Variants in RPGRIP1 observed in about 807,000 individuals in gnomAD.
The protein encoded by RPGRIP1 is X-linked retinitis pigmentosa GTPase regulator-interacting protein 1.
RPGRIP1 carries 128 observed loss-of-function variants against 157.9 expected under a neutral mutation model. The ratio of observed to expected loss-of-function variants is 0.81; its 90% confidence interval spans 0.70 to 0.94. The LOEUF (loss-of-function observed/expected upper bound fraction) is 0.94, where lower values mean the gene tolerates loss of function less well. Ranked by LOEUF, RPGRIP1 falls within the 40% of genes least tolerant of loss-of-function variation. The probability of loss-of-function intolerance (pLI) is 0.00; values close to 1 mark genes in which losing one functional copy is unlikely to be tolerated. For missense variants in RPGRIP1, 1,486 were observed against 1,545.8 expected, an observed-to-expected ratio of 0.96 and a Z score of 0.65; for synonymous variants, 554 against 571.6, an observed-to-expected ratio of 0.97 and a Z score of 0.44.
rs752913201 is a variant in RPGRIP1, at chr14:21,321,279, A to G, written c.1488A>G (p.Gln496=). 1.4e-5 allele frequency: 22 copies of G among 1,613,424 alleles called. No homozygotes were observed. The African/African-American group carries it at 2.7e-4, about 20-fold the overall frequency. ...TACAGCCAAGTGAACCCAAAAACCA[A>G]GAAGAAAAGAAACTGTCCCAGGTGC... ...TQIEPSEPKN[Q]EEKKLSQVLN... Residue 496 remains glutamine (Q), a synonymous_variant, in exon 13 of 25, where the codon CAA becomes CAG. Transcript: ENST00000400017.
At chr14:21,298,177 G>T (rs1292642856) in intron 3 of RPGRIP1, among the ~76,000 whole-genome samples, 1 of 152,032 alleles carries the variant, frequency 6.6e-6, no homozygotes, top group African/African-American at 2.4e-5. Context: ...GAGTGAACTT[G>T]TTTCATGTTG....
intron 12 of RPGRIP1, 60 bp downstream of exon 12, chr14:21,320,237 T>G: frequency 1.1e-4 from 152 of 1,407,592 alleles, no homozygotes; most frequent in Middle Eastern, 1.8e-4. Flanking sequence ...CAAATATCTC[T>G]AGGGAAGATG....
At chr14:21,293,644 C>T (rs1266554303) in intron 2 of RPGRIP1, among the ~76,000 whole-genome samples, 3 of 151,922 alleles carry the variant, frequency 2.0e-5, no homozygotes, top group Non-Finnish European at 4.4e-5. Context: ...TTTGGGAGGC[C>T]GAAGCGGGTG....
Position 21,328,698 on chromosome 14 carries a change from T to TAGAAGC in RPGRIP1, c.3099+87_3099+92dup, listed in dbSNP as rs201626632. 4.5e-3 allele frequency: 4,996 copies of TAGAAGC among 1,119,924 alleles called. 29 individuals are homozygous for TAGAAGC. The highest frequency in any genetic ancestry group is 0.024 in the African/African-American group (1,559 of 64,764). The allele number at this position is 1,119,924 out of a possible 1,614,324, so 69.4% of individuals were successfully genotyped here. A position where few individuals can be genotyped will look rare whatever the true frequency, so the allele number is the denominator to read the frequency against. On this transcript the variant is annotated intron_variant, in intron 19 of 24. Coordinates refer to ENST00000400017, the MANE Select transcript of RPGRIP1 (RefSeq NM_020366.4). ...TCCCCAGATGTATTATTCTCAGAGG[T>TAGAAGC]AGAAGCAGAAGCAGAAGCAGACACA...
At chr14:21,321,430 G>C in intron 13 of RPGRIP1, 28 bp downstream of exon 13, 2 of 1,596,848 alleles carry the variant, frequency 1.3e-6, no homozygotes, top group Non-Finnish European at 1.7e-6. Context: ...ACAGGAAGGG[G>C]ATGGATAACA....
chr14:21,310,537 C>T, intron 7 of RPGRIP1, 47 bp from the exon 8 acceptor site: 2 of 997,146 alleles, frequency 2.0e-6, no homozygotes, highest in African/African-American at 1.7e-5. Flanking sequence ...ATAAATATAT[C>T]ATGAAATTGA....
At chr14:21,323,147 C>G (rs1882682220) in intron 14 of RPGRIP1, among the ~76,000 whole-genome samples, 1 of 152,134 alleles carries the variant, frequency 6.6e-6, no homozygotes. Flanking sequence ...CATGGCTGGG[C>G]ACGGTGGCTC....
chr14:21,294,830 ATTTTTTTTTTTTT>A (rs746359185), intron 3 of RPGRIP1, 21 bp downstream of exon 3: 1,167 of 776,888 alleles, frequency 1.5e-3, no homozygotes, highest in African/African-American at 5.2e-3. Context: ...TTCTCCTTAA[ATTTTTTTTTTTTT>A]TTTTTTTTTT....
At chr14:21,301,722 T>TAATAATA (rs1443437374) in intron 4 of RPGRIP1, among the ~76,000 whole-genome samples, 30 of 75,122 alleles carry the variant, frequency 4.0e-4, no homozygotes, top group African/African-American at 1.5e-3. Flanking sequence ...ATAATAATAA[T>TAATAATA]AAAAAATTAG....
At chr14:21,343,855 C>T (rs1483315503) in intron 22 of RPGRIP1, among the ~76,000 whole-genome samples, 4 of 101,058 alleles carry the variant, frequency 4.0e-5, no homozygotes, top group Non-Finnish European at 8.0e-5. Context: ...TTTTGTTCTT[C>T]CTCTTTTCCT....
intron 7 of RPGRIP1, among the ~76,000 whole-genome samples, 174 bp downstream of exon 7, chr14:21,308,010 A>G (rs1881389990): frequency 6.6e-6 from 1 of 152,350 alleles, no homozygotes; most frequent in African/African-American, 2.4e-5. Flanking sequence ...CTCGGAGTCT[A>G]TGCTTTTCCC....
intron 23 of RPGRIP1, 58 bp from the exon 24 acceptor site, chr14:21,348,114 T>G: frequency 7.5e-7 from 1 of 1,335,664 alleles, no homozygotes; most frequent in Non-Finnish European, 1.0e-6. Flanking sequence ...TATCCTTATT[T>G]TATTTTTGAA....
At chr14:21,298,226 C>CG (rs971796023) in intron 3 of RPGRIP1, among the ~76,000 whole-genome samples, 1 of 151,982 alleles carries the variant, frequency 6.6e-6, no homozygotes, top group African/African-American at 2.4e-5. Context: ...TGGCTGGGCA[C>CG]GGTGGCTCAT....
rs569767179 is a variant in RPGRIP1 at position 21,292,045 on chromosome 14, A to G, written c.86-2632A>G. On this transcript the variant is annotated intron_variant, in intron 2 of 24. Coordinates refer to ENST00000400017, the MANE Select transcript of RPGRIP1 (RefSeq NM_020366.4). ...AGTGCTGGGATGACAGGCATGAGCCACTGCACCCAGCCAATTTTTATATTT... is the reference window on the plus strand; with the variant it reads ...AGTGCTGGGATGACAGGCATGAGCCGCTGCACCCAGCCAATTTTTATATTT... Among the ~76,000 whole-genome samples, 3 of 152,234 alleles carry G rather than the reference A, an allele frequency of 2.0e-5. No homozygotes were observed. In the East Asian group the frequency reaches 5.8e-4, roughly 29 times the overall value.
intron 2 of RPGRIP1, among the ~76,000 whole-genome samples, chr14:21,292,925 T>C (rs1594373744): frequency 6.6e-6 from 1 of 150,994 alleles, no homozygotes; most frequent in South Asian, 2.1e-4. Flanking sequence ...GGCGGGTGGA[T>C]CACGAGGTCA....
chr14:21,334,952 A>G (rs1398188605), intron 21 of RPGRIP1, among the ~76,000 whole-genome samples: 2 of 148,360 alleles, frequency 1.3e-5, no homozygotes, highest in Non-Finnish European at 3.0e-5. Flanking sequence ...AGGCTGAGGC[A>G]GGAGAATTGC....
chr14:21,282,344 C>G (rs976302789), intron 1 of RPGRIP1, among the ~76,000 whole-genome samples: 1 of 151,710 alleles, frequency 6.6e-6, no homozygotes, highest in Admixed American at 6.6e-5. Context: ...TCAAGCAATT[C>G]CCCTGCCTCA....
At chr14:21,312,102 T>G in intron 9 of RPGRIP1, 132 bp downstream of exon 9, 2 of 813,162 alleles carry the variant, frequency 2.5e-6, no homozygotes, top group Non-Finnish European at 4.0e-6. Context: ...TTAAATCATT[T>G]GCTTAAGATT....
In RPGRIP1 at chr14:21,321,517, A is replaced by C. The variant is rs1882469249; in HGVS notation, c.1611+115A>C. 7 of 1,483,750 alleles carry C rather than the reference A, an allele frequency of 4.7e-6. No homozygotes were observed. In the Admixed American group the frequency reaches 1.3e-4, roughly 28 times the overall value. 91.9% of individuals were successfully genotyped at this position (1,483,750 alleles called of 1,614,324 possible). The stretch of plus-strand genomic sequence containing the variant: ...CAGGGCTGATACCAGGTGATGTGCT[A>C]TCCTGAGCAAACACACAATGGCTGT... On this transcript the variant is annotated intron_variant, in intron 13 of 24. Coordinates refer to ENST00000400017, the MANE Select transcript of RPGRIP1 (RefSeq NM_020366.4).
Sources: gnomAD v4.1 joint callset for allele counts (sites outside exome capture counted in the v4.1 genomes callset) on GRCh38, gnomAD v4.1.1 for gene constraint, MANE v1.5 for transcripts, NCBI Gene and HGNC (gene_info 2026-07-23, HGNC 2026-07-21) for gene names.